GSE1: variants seen among roughly 807,000 people sequenced by gnomAD.
GSE1 encodes the protein genetic suppressor element 1.
A neutral mutation model predicts 112.6 loss-of-function variants in GSE1; 32 were observed. The observed-to-expected ratio is 0.28, with a 90% CI of 0.21 to 0.38. GSE1 has a LOEUF of 0.38. Ranked by LOEUF, GSE1 falls within the 10% of genes least tolerant of loss-of-function variation. GSE1 has a pLI of 1.00. For missense variants in GSE1, 2,348 were observed against 1,699.2 expected, an observed-to-expected ratio of 1.38 and a Z score of -6.71; for synonymous variants, 1,115 against 735.6, an observed-to-expected ratio of 1.52 and a Z score of -8.35.
At chr16:85,441,010 C>T (rs146380779) in intron 2 of GSE1, among the ~76,000 whole-genome samples, 8 of 152,312 alleles carry the variant, frequency 5.3e-5, no homozygotes, top group Non-Finnish European at 1.2e-4. Flanking sequence ...AACGCATATG[C>T]TGGGCCACAC....
intron 1 of GSE1, among the ~76,000 whole-genome samples, chr16:85,191,993 C>T (rs550076926): frequency 3.3e-5 from 5 of 152,162 alleles, no homozygotes; most frequent in Admixed American, 6.5e-5. Context: ...TGAATCTTTC[C>T]GAAGTCTAAG....
intron 2 of GSE1, among the ~76,000 whole-genome samples, chr16:85,377,110 G>A (rs553768800): frequency 3.9e-5 from 6 of 152,348 alleles, no homozygotes; most frequent in East Asian, 1.9e-4. Context: ...CAAGGTTGCC[G>A]TGTGTGCACA....
chr16:85,634,353 T>TC (rs2049809319), intron 2 of GSE1, among the ~76,000 whole-genome samples: 1 of 152,238 alleles, frequency 6.6e-6, no homozygotes, highest in African/African-American at 2.4e-5. Flanking sequence ...CCTGCCTCTG[T>TC]CCTTCCTCGG....
intron 2 of GSE1, among the ~76,000 whole-genome samples, chr16:85,455,369 C>G (rs1478942044): frequency 6.7e-6 from 1 of 150,234 alleles, no homozygotes; most frequent in African/African-American, 2.5e-5. Context: ...AGAGCAAGAC[C>G]TGGCATTACA....
chr16:85,566,988 G>A (rs1370054796), intron 1 of GSE1, among the ~76,000 whole-genome samples: 2 of 152,088 alleles, frequency 1.3e-5, no homozygotes, highest in Non-Finnish European at 2.9e-5. Flanking sequence ...AAGTGTCACG[G>A]CCTTTATCTT....
At position 85,423,834 on chromosome 16, in the gene GSE1, C is replaced by T. The variant is rs144060846; in HGVS notation, c.2464+66191C>T. Among the ~76,000 whole-genome samples, 4 of 152,380 alleles carry T rather than the reference C, an allele frequency of 2.6e-5. No homozygotes were observed. The South Asian group carries it at 6.2e-4, about 24-fold the overall frequency. ...CTCTCCCCACGGTCCTGGCCTCTGC[C>T]GCTCACAGGCAGGGCCCCTGCAGCC... On this transcript the variant is annotated intron_variant, in intron 2 of 2. Coordinates refer to the GSE1 transcript ENST00000637419.
chr16:85,386,235 C>T (rs1011386945), intron 2 of GSE1, among the ~76,000 whole-genome samples: 11 of 152,192 alleles, frequency 7.2e-5, no homozygotes, highest in African/African-American at 2.2e-4. Context: ...GCCCTGACGC[C>T]GTGGCAGGTG....
At chr16:85,191,154 C>A (rs371024398) in intron 1 of GSE1, among the ~76,000 whole-genome samples, 10 of 151,758 alleles carry the variant, frequency 6.6e-5, no homozygotes, top group Non-Finnish European at 1.3e-4. Flanking sequence ...CAGCTACTTG[C>A]GAGGCTGAGG....
upstream of GSE1, chr16:85,613,124 G>C (rs2048103340): frequency 9.3e-7 from 1 of 1,078,870 alleles, no homozygotes. Flanking sequence ...CTGTGTGTTT[G>C]CGGCTGAAAC....
In GSE1 at chr16:85,480,103, C is replaced by T. The variant is rs192758130; in HGVS notation, c.2464+122460C>T. On this transcript the variant is annotated intron_variant, in intron 2 of 2. Transcript: ENST00000637419. ...TCACTGACTCTCACAACATCCTCAA[C>T]GTCCTGTTCCCATTTACTAGATGAT... Among the ~76,000 whole-genome samples the T allele has an allele frequency of 9.5e-4, 145 of 152,336 alleles. 1 individual carries two copies. Among genetic ancestry groups the T allele is most frequent in the African/African-American group, 3.3e-3 (136 of 41,572 alleles).
chr16:85,646,912 G>A (rs558405844), intron 2 of GSE1, among the ~76,000 whole-genome samples: 4 of 152,060 alleles, frequency 2.6e-5, no homozygotes, highest in Admixed American at 6.5e-5. Context: ...TGGGGGCTCC[G>A]GAAGCGAGGC....
chr16:85,602,796 C>T (rs1331682882), intron 1 of GSE1, among the ~76,000 whole-genome samples: 2 of 152,230 alleles, frequency 1.3e-5, no homozygotes, highest in East Asian at 3.8e-4. Context: ...TGTCCAGGCT[C>T]AGCAGGTGGA....
chr16:85,255,714 A>G (rs995008163), intron 1 of GSE1, among the ~76,000 whole-genome samples: 2 of 138,290 alleles, frequency 1.4e-5, no homozygotes, highest in African/African-American at 2.7e-5. Context: ...GTCAGTGCCT[A>G]CTTTTCTTTC....
chr16:85,629,717 G>T (rs2049383094), intron 1 of GSE1, among the ~76,000 whole-genome samples: 1 of 152,226 alleles, frequency 6.6e-6, no homozygotes, highest in South Asian at 2.1e-4. Flanking sequence ...GGGGGATGCT[G>T]ATGGTCTCTG....
intron 2 of GSE1, among the ~76,000 whole-genome samples, chr16:85,399,590 CT>C (rs2048047730): frequency 6.6e-6 from 1 of 152,178 alleles, no homozygotes; most frequent in South Asian, 2.1e-4. Context: ...AGCTGCCTGC[CT>C]GCTTTCTTTG....
chr16:85,447,551 C>T (rs953168890), intron 2 of GSE1, among the ~76,000 whole-genome samples: 4 of 152,232 alleles, frequency 2.6e-5, no homozygotes, highest in Non-Finnish European at 4.4e-5. Context: ...CCAGCTGTCA[C>T]CAGCTGTCAC....
intron 1 of GSE1, among the ~76,000 whole-genome samples, chr16:85,566,065 C>T (rs542212106): frequency 1.3e-5 from 2 of 152,312 alleles, no homozygotes; most frequent in African/African-American, 4.8e-5. Flanking sequence ...CGGAGCCTGC[C>T]TCCTGGGGCT....
intron 2 of GSE1, among the ~76,000 whole-genome samples, chr16:85,374,607 G>A (rs1220372990): frequency 6.6e-6 from 1 of 152,152 alleles, no homozygotes; most frequent in Non-Finnish European, 1.5e-5. Context: ...GTCTCAGGGT[G>A]TGTGGCTGCC....
chr16:85,206,885 G>A (rs1434678459), intron 1 of GSE1, among the ~76,000 whole-genome samples: 2 of 150,602 alleles, frequency 1.3e-5, no homozygotes, highest in African/African-American at 4.9e-5. Flanking sequence ...TTTCTTTATG[G>A]CAGGCAAAGT....
Sources: allele counts gnomAD v4.1 joint callset (sites outside exome capture counted in the v4.1 genomes callset), GRCh38; gene constraint gnomAD v4.1.1; transcripts MANE v1.5; gene names NCBI Gene and HGNC (gene_info 2026-07-23, HGNC 2026-07-21).